Variants in ELMO1 observed in about 807,000 individuals in gnomAD.
The protein encoded by ELMO1 is engulfment and cell motility protein 1.
A neutral mutation model predicts 98.9 loss-of-function variants in ELMO1; 26 were observed. The observed-to-expected ratio is 0.26, with a 90% CI of 0.19 to 0.36. The LOEUF (loss-of-function observed/expected upper bound fraction) is 0.36. ELMO1 is among the 10% of genes least tolerant of loss of function. The pLI is 1.00. For missense variants in ELMO1, 627 were observed against 935.2 expected, an observed-to-expected ratio of 0.67 and a Z score of 4.30; for synonymous variants, 346 against 346.0, an observed-to-expected ratio of 1.00 and a Z score of 0.00.
rs552542512 is a variant in ELMO1 at position 37,432,706 on chromosome 7, T to A, written c.-74+15969A>T. Among the ~76,000 whole-genome samples the A allele has an allele frequency of 4.1e-4, 63 of 152,266 alleles. No homozygotes were observed. In the South Asian group the frequency reaches 0.013, roughly 31 times the overall value. ...ATGTGGTAAAAATCCCAACCCCCAA[T>A]GTGTATCACAGATGCCTCGTCACCC... On this transcript the variant is annotated intron_variant, in intron 1 of 21. Coordinates refer to ENST00000310758, the MANE Select transcript of ELMO1 (RefSeq NM_014800.11).
intron 15 of ELMO1, among the ~76,000 whole-genome samples, chr7:37,083,102 A>T (rs982967846): frequency 6.6e-6 from 1 of 152,160 alleles, no homozygotes; most frequent in African/African-American, 2.4e-5. Context: ...TACAGGAGAC[A>T]CTTGTCTAGA....
chr7:37,168,532 T>C (rs976799570), intron 13 of ELMO1, among the ~76,000 whole-genome samples: 20 of 152,190 alleles, frequency 1.3e-4, no homozygotes, highest in Non-Finnish European at 2.6e-4. Flanking sequence ...ATGTCCTTTC[T>C]GTTTGTTAGT....
chr7:37,115,212 G>T (rs1785506897), intron 14 of ELMO1, among the ~76,000 whole-genome samples: 1 of 152,294 alleles, frequency 6.6e-6, no homozygotes, highest in East Asian at 1.9e-4. Context: ...ATCTGTTCCA[G>T]AAGGTAGAAG....
chr7:36,921,767 T>C (rs1453311684), intron 16 of ELMO1, among the ~76,000 whole-genome samples: 1 of 152,194 alleles, frequency 6.6e-6, no homozygotes, highest in African/African-American at 2.4e-5. Context: ...CTCTCAATTA[T>C]GGCAGTCTTT....
intron 15 of ELMO1, among the ~76,000 whole-genome samples, chr7:37,063,312 T>A (rs1338038013): frequency 6.6e-6 from 1 of 152,202 alleles, no homozygotes; most frequent in Non-Finnish European, 1.5e-5. Context: ...CAGCTTTTGG[T>A]GACTAGCTAA....
At chr7:37,143,763 T>G (rs1417273322) in intron 13 of ELMO1, among the ~76,000 whole-genome samples, 7 of 136,312 alleles carry the variant, frequency 5.1e-5, no homozygotes, top group African/African-American at 1.9e-4. Context: ...CAGGCTGGAG[T>G]GCAGTGGCAT....
chr7:37,346,397 G>A (rs1229234846), intron 1 of ELMO1, among the ~76,000 whole-genome samples: 1 of 152,026 alleles, frequency 6.6e-6, no homozygotes, highest in East Asian at 1.9e-4. Context: ...ATTAACCATA[G>A]CAATGCCAAT....
chr7:37,287,134 A>C (rs767262894), intron 4 of ELMO1, among the ~76,000 whole-genome samples: 1 of 151,978 alleles, frequency 6.6e-6, no homozygotes, highest in Non-Finnish European at 1.5e-5. Context: ...TGGAGGTTGC[A>C]ATGAGCCGAG....
intron 4 of ELMO1, among the ~76,000 whole-genome samples, chr7:37,288,764 C>A (rs1797529587): frequency 6.6e-6 from 1 of 152,128 alleles, no homozygotes; most frequent in African/African-American, 2.4e-5. Flanking sequence ...AGGCCTTAAG[C>A]CCTCAATTCT....
At chr7:37,026,387 T>A (rs1389361643) in intron 15 of ELMO1, among the ~76,000 whole-genome samples, 1 of 152,206 alleles carries the variant, frequency 6.6e-6, no homozygotes, top group Non-Finnish European at 1.5e-5. Flanking sequence ...CAATTCTGTA[T>A]TGGATAAATG....
chr7:37,425,481 T>C (rs1335383393), intron 1 of ELMO1, among the ~76,000 whole-genome samples: 2 of 152,340 alleles, frequency 1.3e-5, no homozygotes, highest in Non-Finnish European at 2.9e-5. Flanking sequence ...TTTACATGTG[T>C]CTCCTTATAT....
intron 13 of ELMO1, among the ~76,000 whole-genome samples, chr7:37,190,193 T>C (rs1224031585): frequency 6.6e-6 from 1 of 152,234 alleles, no homozygotes; most frequent in Non-Finnish European, 1.5e-5. Context: ...ATGAACATTA[T>C]GCTGATAGGC....
chr7:37,393,848 A>C (rs537231928), intron 1 of ELMO1: 5 of 152,260 alleles, frequency 3.3e-5, no homozygotes, highest in African/African-American at 1.2e-4. Context: ...CTGAACTAGA[A>C]GGGCCTTGGG....
intron 1 of ELMO1, among the ~76,000 whole-genome samples, chr7:37,440,441 CAA>C (rs34976721): frequency 7.3e-4 from 92 of 126,744 alleles, no homozygotes; most frequent in Admixed American, 1.3e-3. Context: ...GACTCTAGCT[CAA>C]AAAAAAAAAA....
intron 13 of ELMO1, among the ~76,000 whole-genome samples, chr7:37,170,615 CTTTT>C (rs543000463): frequency 7.2e-6 from 1 of 137,934 alleles, no homozygotes; most frequent in Non-Finnish European, 1.6e-5. Context: ...TCCTTGCTTG[CTTTT>C]TTTTTTTTTT....
At chr7:37,116,777 A>G (rs1487264032) in intron 14 of ELMO1, 1 of 153,168 alleles carries the variant, frequency 6.5e-6, no homozygotes, top group Non-Finnish European at 1.5e-5. Flanking sequence ...GGACTCTCCA[A>G]GATGGGCTGC....
chr7:37,150,974 G>A (rs1190682197), intron 13 of ELMO1, among the ~76,000 whole-genome samples: 1 of 152,198 alleles, frequency 6.6e-6, no homozygotes, highest in Non-Finnish European at 1.5e-5. Context: ...GCGCCTCCCT[G>A]CAGGTCAGCA....
intron 1 of ELMO1, among the ~76,000 whole-genome samples, chr7:37,434,801 G>T (rs964112199): frequency 2.0e-5 from 3 of 152,138 alleles, no homozygotes; most frequent in African/African-American, 7.2e-5. Context: ...CTAGTTGTCT[G>T]TACCCAGTAA....
intron 15 of ELMO1, among the ~76,000 whole-genome samples, chr7:37,094,926 A>G (rs1002855197): frequency 6.6e-6 from 1 of 152,148 alleles, no homozygotes; most frequent in African/African-American, 2.4e-5. Context: ...TACCTCCTAC[A>G]CCAGATCACT....
Sources: gnomAD v4.1 joint callset for allele counts (sites outside exome capture counted in the v4.1 genomes callset) on GRCh38, gnomAD v4.1.1 for gene constraint, MANE v1.5 for transcripts, NCBI Gene and HGNC (gene_info 2026-07-23, HGNC 2026-07-21) for gene names.